The following FAM227B variants were observed in gnomAD, a reference collection of about 807,000 sequenced individuals.
FAM227B encodes the protein family with sequence similarity 227 member B, also known as protein FAM227B.
In FAM227B, 88 loss-of-function variants were observed where a neutral mutation model predicts 73.8. That is an observed-to-expected ratio of 1.19 (90% confidence interval 1.00 to 1.42). The LOEUF is 1.42. Among genes scored for constraint, FAM227B ranks in the 40% most tolerant of loss-of-function variants. FAM227B has a pLI of 0.00. For synonymous variants in FAM227B, 210 were observed against 190.5 expected (o/e 1.10, Z -0.84); for missense variants, 632 against 590.9 (o/e 1.07, Z -0.72).
intron 12 of FAM227B, among the ~76,000 whole-genome samples, chr15:49,370,777 TG>T (rs2151474561): frequency 1.3e-5 from 2 of 152,302 alleles, no homozygotes; most frequent in South Asian, 4.1e-4. Flanking sequence ...CATCAAATTT[TG>T]GCTAAGGCAA....
At chr15:49,353,321 G>A (rs752235774) in intron 13 of FAM227B, among the ~76,000 whole-genome samples, 2 of 152,048 alleles carry the variant, frequency 1.3e-5, no homozygotes, top group Non-Finnish European at 2.9e-5. Context: ...TTTCCTCTCT[G>A]ATCCTCATCT....
chr15:49,606,228 G>T (rs1470779701), intron 3 of FAM227B: 3 of 151,970 alleles, frequency 2.0e-5, no homozygotes, highest in Admixed American at 6.5e-5. Context: ...TCTGCAAAGG[G>T]ATAAAGGTTA....
At chr15:49,545,616 T>C (rs1235600796) in intron 9 of FAM227B, among the ~76,000 whole-genome samples, 1 of 152,192 alleles carries the variant, frequency 6.6e-6, no homozygotes, top group Non-Finnish European at 1.5e-5. Context: ...GGCTTTTTGA[T>C]ATAGACATTT....
chr15:49,572,866 G>C (rs1046778868), intron 8 of FAM227B, among the ~76,000 whole-genome samples: 1 of 151,976 alleles, frequency 6.6e-6, no homozygotes, highest in Non-Finnish European at 1.5e-5. Context: ...CTCATTTTTA[G>C]AATTCTCAAA....
Position 49,558,584 on chromosome 15 carries a change from C to T in FAM227B, c.747+9661G>A, listed in dbSNP as rs112348850. On this transcript the variant is annotated intron_variant, in intron 9 of 15. Coordinates refer to ENST00000299338, the MANE Select transcript of FAM227B (RefSeq NM_152647.3). ...CAGGTTTGTGATATTCCTTTTGGTT[C>T]CCCCCACCTAAGTGTTCTGCCTGCC... Among the ~76,000 whole-genome samples the T allele has an allele frequency of 2.1e-3, 315 of 152,198 alleles. 2 individuals are homozygous for T. In the Middle Eastern group the frequency reaches 0.041, roughly 20 times the overall value.
chr15:49,527,912 T>A (rs1167304003), intron 10 of FAM227B, among the ~76,000 whole-genome samples: 3 of 151,830 alleles, frequency 2.0e-5, no homozygotes, highest in Non-Finnish European at 4.4e-5. Context: ...TCAATATCAT[T>A]AAAATGACCA....
At chr15:49,382,005 A>C (rs1038006655) in intron 11 of FAM227B, among the ~76,000 whole-genome samples, 9 of 152,116 alleles carry the variant, frequency 5.9e-5, no homozygotes, top group African/African-American at 2.2e-4. Context: ...CTAAAGATAC[A>C]CATGATATTT....
intron 1 of FAM227B, chr15:49,620,134 C>G (rs1048514474): frequency 9.2e-5 from 14 of 152,124 alleles, no homozygotes; most frequent in African/African-American, 3.4e-4. Context: ...AAGGCCTTAC[C>G]CAAGTCCGAA....
At chr15:49,365,622 A>T in intron 13 of FAM227B, 1 of 1,107,258 alleles carries the variant, frequency 9.0e-7, no homozygotes, top group Non-Finnish European at 1.4e-6. Flanking sequence ...TTATGAAAAC[A>T]AAAAATACAT....
At chr15:49,459,553 T>A (rs2053607721) in intron 11 of FAM227B, among the ~76,000 whole-genome samples, 1 of 152,322 alleles carries the variant, frequency 6.6e-6, no homozygotes, top group Admixed American at 6.5e-5. Context: ...TATCTTTATC[T>A]TAATTATTTT....
chr15:49,444,706 C>T (rs2052014801), intron 11 of FAM227B, among the ~76,000 whole-genome samples: 1 of 151,578 alleles, frequency 6.6e-6, no homozygotes, highest in South Asian at 2.1e-4. Flanking sequence ...TGCATATGTT[C>T]CGGGGTCTGT....
At chr15:49,387,696 G>C (rs1253176510) in intron 11 of FAM227B, among the ~76,000 whole-genome samples, 1 of 151,742 alleles carries the variant, frequency 6.6e-6, no homozygotes, top group Non-Finnish European at 1.5e-5. Context: ...AACTATCACT[G>C]TTTGCAGATG....
At chr15:49,411,972 C>A (rs2151688625) in intron 11 of FAM227B, among the ~76,000 whole-genome samples, 1 of 152,162 alleles carries the variant, frequency 6.6e-6, no homozygotes, top group Middle Eastern at 3.4e-3. Context: ...TAAGCTATTT[C>A]CATATTCTTT....
chr15:49,569,450 C>T (rs1038021838), intron 8 of FAM227B, among the ~76,000 whole-genome samples: 6 of 151,542 alleles, frequency 4.0e-5, no homozygotes, highest in African/African-American at 9.7e-5. Context: ...ATGTGTGAGA[C>T]GGTGTGGTTG....
intron 3 of FAM227B, among the ~76,000 whole-genome samples, chr15:49,602,801 C>T (rs1206780363): frequency 6.6e-6 from 1 of 152,084 alleles, no homozygotes; most frequent in Admixed American, 6.6e-5. Context: ...AGTCTTTAAT[C>T]CCTTTTGATT....
At chr15:49,475,707 G>A (rs555699758) in intron 11 of FAM227B, among the ~76,000 whole-genome samples, 32 of 152,162 alleles carry the variant, frequency 2.1e-4, no homozygotes, top group African/African-American at 7.7e-4. Flanking sequence ...TTACAGCTGG[G>A]GCGGGCACGG....
At chr15:49,555,714 A>G (rs1049366729) in intron 9 of FAM227B, among the ~76,000 whole-genome samples, 5 of 152,124 alleles carry the variant, frequency 3.3e-5, no homozygotes, top group African/African-American at 9.7e-5. Context: ...ACATAATCCC[A>G]TATCTCTAGA....
intron 11 of FAM227B, among the ~76,000 whole-genome samples, chr15:49,444,082 T>G (rs1226106655): frequency 6.6e-6 from 1 of 151,678 alleles, no homozygotes; most frequent in Non-Finnish European, 1.5e-5. Context: ...TCACCTTTCT[T>G]ATAAGGATCT....
At chr15:49,523,732 C>G (rs1200234074) in intron 10 of FAM227B, among the ~76,000 whole-genome samples, 5 of 152,202 alleles carry the variant, frequency 3.3e-5, no homozygotes, top group Non-Finnish European at 5.9e-5. Flanking sequence ...ATGGCTTTCA[C>G]TATCAGCATT....
Sources: allele counts gnomAD v4.1 joint callset (sites outside exome capture counted in the v4.1 genomes callset), GRCh38; gene constraint gnomAD v4.1.1; transcripts MANE v1.5; gene names NCBI Gene and HGNC (gene_info 2026-07-23, HGNC 2026-07-21).